The following CALCOCO2 variants were observed in gnomAD, a reference collection of about 807,000 sequenced individuals.
The protein encoded by CALCOCO2 is calcium binding and coiled-coil domain 2, also known as calcium-binding and coiled-coil domain-containing protein 2.
In CALCOCO2, 42 loss-of-function variants were observed where a neutral mutation model predicts 62.5. The observed-to-expected ratio is 0.67, with a 90% confidence interval of 0.53 to 0.87. CALCOCO2 has a LOEUF of 0.87. Among genes scored for constraint, CALCOCO2 ranks in the 40% least tolerant of loss-of-function variants. The pLI is 0.00. For missense variants in CALCOCO2, 456 were observed against 515.0 expected (o/e 0.89, Z 1.11); for synonymous variants, 167 against 173.0 (o/e 0.97, Z 0.27).
rs1452248036 is a variant in CALCOCO2, at chr17:48,848,154, G to A, written c.271G>A (p.Val91Ile). 1 of 1,610,416 alleles carries A rather than the reference G, an allele frequency of 6.2e-7. No individual in the cohort carries two copies. The highest frequency in any genetic ancestry group is 8.5e-7 in the Non-Finnish European group (1 of 1,176,754). The change falls in exon 3 of 13, where the codon GTC (valine) becomes ATC (isoleucine). Residue 91 changes from valine to isoleucine, a missense_variant. Val to Ile is a conservative substitution (Grantham distance 29). This residue lies in a region of CALCOCO2 where 236 missense variants were observed against 225.3 expected (regional missense o/e 1.05). Transcript: ENST00000258947. ...CAACAAATCAGCTAAACAGCAGGAAGTCCAATTCAAAGGTGAGAAAAATAC... is the reference window on the plus strand; with the variant it reads ...CAACAAATCAGCTAAACAGCAGGAAATCCAATTCAAAGGTGAGAAAAATAC... ...LNNKSAKQQE[V>I]QFKAYYLPKD...
intron 1 of CALCOCO2, among the ~76,000 whole-genome samples, chr17:48,837,585 G>A (rs1248069167): frequency 6.6e-6 from 1 of 152,122 alleles, no homozygotes; most frequent in African/African-American, 2.4e-5. Context: ...GGCGGAGGTT[G>A]CAGTGAGCTG....
chr17:48,846,540 C>G (rs751260065), intron 2 of CALCOCO2: 1 of 1,071,962 alleles, frequency 9.3e-7, no homozygotes, highest in South Asian at 1.3e-5. Flanking sequence ...TTCCCTGTTC[C>G]AAGGCAGCAA....
At chr17:48,856,570 C>G (rs1399920639) in intron 10 of CALCOCO2, 1 of 456,662 alleles carries the variant, frequency 2.2e-6, no homozygotes, top group Admixed American at 2.3e-5. Flanking sequence ...TTCTCTGCTG[C>G]CAAACCAGGA....
intron 10 of CALCOCO2, among the ~76,000 whole-genome samples, chr17:48,858,051 G>GAGAATAGAA (rs2040264272): frequency 5.0e-5 from 6 of 120,958 alleles, no homozygotes; most frequent in African/African-American, 1.8e-4. Flanking sequence ...ATAGAAAATA[G>GAGAATAGAA]AATAGAATAG....
intron 2 of CALCOCO2, chr17:48,846,442 G>T: frequency 1.5e-6 from 2 of 1,371,810 alleles, no homozygotes; most frequent in South Asian, 2.5e-5. Flanking sequence ...CCTTGACTTA[G>T]GCATTTAAAT....
At chr17:48,839,074 C>T (rs1166024963) in intron 1 of CALCOCO2, among the ~76,000 whole-genome samples, 1 of 150,524 alleles carries the variant, frequency 6.6e-6, no homozygotes, top group Admixed American at 6.6e-5. Context: ...ATCTGGCAAT[C>T]TTGGCTCACT....
At chr17:48,860,983 C>T (rs779068638) in intron 11 of CALCOCO2, among the ~76,000 whole-genome samples, 4 of 152,160 alleles carry the variant, frequency 2.6e-5, no homozygotes, top group Non-Finnish European at 5.9e-5. Flanking sequence ...TATGAGATCT[C>T]ATTTACTTTT....
chr17:48,863,116 A>T lies in CALCOCO2; in HGVS notation c.*111A>T. ...CCTAACCTGAAATTATTAGGGATTT[A>T]CTCAGCCCTGCTGCCGCTAACAGTG... On this transcript the variant is annotated 3_prime_UTR_variant, in exon 13 of 13. Coordinates refer to ENST00000258947, the MANE Select transcript of CALCOCO2 (RefSeq NM_005831.5). The T allele has an allele frequency of 1.2e-6, 1 of 832,478 alleles. No homozygotes were observed. Among genetic ancestry groups the T allele is most frequent in the Non-Finnish European group, 2.0e-6 (1 of 489,958 alleles). The allele number at this position is 832,478 out of a possible 1,614,324, so 51.6% of individuals were successfully genotyped here. A position where few individuals can be genotyped will look rare whatever the true frequency, so the allele number is the denominator to read the frequency against.
intron 9 of CALCOCO2, among the ~76,000 whole-genome samples, chr17:48,854,051 C>T (rs1005228453): frequency 1.3e-5 from 2 of 151,942 alleles, no homozygotes; most frequent in African/African-American, 4.8e-5. Flanking sequence ...TGCGGTGGCT[C>T]GCGCCTGTAA....
chr17:48,862,203 T>C (rs1210260681), intron 11 of CALCOCO2, 73 bp from the exon 12 acceptor site: 3 of 962,320 alleles, frequency 3.1e-6, no homozygotes, highest in Non-Finnish European at 5.1e-6. Context: ...ACAGGAAATA[T>C]CTGCCAGAAC....
At position 48,852,580 on chromosome 17, in the gene CALCOCO2, G is replaced by C; in HGVS notation, c.777G>C (p.Glu259Asp). 1.2e-6 allele frequency: 2 copies of C among 1,613,034 alleles called. No individual in the cohort carries two copies. The highest frequency in any genetic ancestry group is 1.7e-6 in the Non-Finnish European group (2 of 1,179,016). Reference sequence around the variant, plus strand: ...ATCAAGATAAGACAGAGCAGTTAGAGCAGCTGAAAAAGGAAAATGACCACC... The same window carrying C: ...ATCAAGATAAGACAGAGCAGTTAGACCAGCTGAAAAAGGAAAATGACCACC... ...QGDQDKTEQL[E>D]QLKKENDHLF... Residue 259 changes from glutamate to aspartate, a missense_variant, in exon 8 of 13, where the codon GAG becomes GAC. This residue lies in a region of CALCOCO2 where 236 missense variants were observed against 225.3 expected (regional missense o/e 1.05). Transcript: ENST00000258947.
At position 48,864,066 on chromosome 17, in the gene CALCOCO2, C is replaced by CTTTTTTTTTTT; in HGVS notation, c.*1070_*1080dup. 7.9e-6 allele frequency: 1 copy of CTTTTTTTTTTT among 126,502 alleles called. No individual in the cohort carries two copies. Among genetic ancestry groups the CTTTTTTTTTTT allele is most frequent in the Non-Finnish European group, 1.6e-5 (1 of 62,436 alleles). The allele number at this position is 126,502 out of a possible 1,614,324, so 7.8% of individuals were successfully genotyped here. A position where few individuals can be genotyped will look rare whatever the true frequency, so the allele number is the denominator to read the frequency against. On this transcript the variant is annotated 3_prime_UTR_variant, in exon 13 of 13. Transcript: ENST00000258947. ...TCCAAGGCCCTGGCTTGCTTTCTTTCTTTTTTTTTTTTTTTTTTTGAAACA... is the reference window on the plus strand; with the variant it reads ...TCCAAGGCCCTGGCTTGCTTTCTTTCTTTTTTTTTTTTTTTTTTTTTTTTTTTTTTGAAACA...
At chr17:48,854,382 T>TTTTATATATATATATATA (rs1567757283) in intron 9 of CALCOCO2, among the ~76,000 whole-genome samples, 1 of 5,992 alleles carries the variant, frequency 1.7e-4, no homozygotes, top group Non-Finnish European at 6.0e-4. Context: ...TTTCTTTTAT[T>TTTTATATATATATATATA]TATATATATA....
chr17:48,833,384 G>A (rs749993642), intron 1 of CALCOCO2, among the ~76,000 whole-genome samples: 6 of 151,798 alleles, frequency 4.0e-5, no homozygotes, highest in Non-Finnish European at 5.9e-5. Context: ...GTGAAACCCC[G>A]TCTCTACTAA....
chr17:48,831,551 G>A (rs536648186), intron 1 of CALCOCO2: 11 of 152,250 alleles, frequency 7.2e-5, no homozygotes, highest in Non-Finnish European at 1.5e-4. Context: ...CCCCCTTTAC[G>A]AGTAGGTTTG....
intron 2 of CALCOCO2, chr17:48,846,364 G>A (rs977254107): frequency 1.5e-6 from 1 of 649,270 alleles, no homozygotes; most frequent in African/African-American, 1.8e-5. Flanking sequence ...CACCACCAAT[G>A]ATGGAGCCTA....
intron 10 of CALCOCO2, among the ~76,000 whole-genome samples, chr17:48,857,437 T>C (rs2040234088): frequency 1.4e-5 from 2 of 144,158 alleles, no homozygotes. Flanking sequence ...CCTGAGGTGA[T>C]CCACCCGCCT....
rs2040263826 is a variant in CALCOCO2 at position 48,858,049 on chromosome 17, T to TAG, written c.1008+1864_1008+1865dup. Among the ~76,000 whole-genome samples the TAG allele has an allele frequency of 4.4e-5, 5 of 113,672 alleles. 1 individual carries two copies. Among genetic ancestry groups the TAG allele is most frequent in the Admixed American group, 2.8e-4 (3 of 10,706 alleles). 74.6% of individuals were successfully genotyped at this position (113,672 alleles called of 152,430 possible). A position where few individuals can be genotyped will look rare whatever the true frequency, so the allele number is the denominator to read the frequency against. ...GAATAGAATAGAATAGAATAGAAAATAGAATAGAATAGAATAGAATAGAAT... is the reference window on the plus strand; with the variant it reads ...GAATAGAATAGAATAGAATAGAAAATAGAGAATAGAATAGAATAGAATAGAAT... On this transcript the variant is annotated intron_variant, in intron 10 of 12. Coordinates refer to ENST00000258947, the MANE Select transcript of CALCOCO2 (RefSeq NM_005831.5).
chr17:48,861,260 G>A (rs971812585), intron 11 of CALCOCO2, among the ~76,000 whole-genome samples: 6 of 151,916 alleles, frequency 3.9e-5, no homozygotes, highest in African/African-American at 1.2e-4. Context: ...TGCAACCTCC[G>A]TCTCCTGGGC....
Sources: allele counts gnomAD v4.1 joint callset (sites outside exome capture counted in the v4.1 genomes callset), GRCh38; gene constraint gnomAD v4.1.1; regional missense constraint gnomAD v4.1.1; transcripts MANE v1.5; gene names NCBI Gene and HGNC (gene_info 2026-07-23, HGNC 2026-07-21).